Variants in PTPRD observed in about 807,000 individuals in gnomAD.
PTPRD encodes the protein receptor-type tyrosine-protein phosphatase delta.
Under a neutral mutation model 214.5 loss-of-function variants are expected in PTPRD, and 34 were observed. That is an observed-to-expected ratio of 0.16 (90% CI 0.12 to 0.21). The LOEUF is 0.21. PTPRD is among the 10% of genes least tolerant of loss of function. The probability of loss-of-function intolerance (pLI) is 1.00; values close to 1 mark genes in which losing one functional copy is unlikely to be tolerated. For synonymous variants in PTPRD, 1,128 were observed against 845.7 expected, an observed-to-expected ratio of 1.33 and a Z score of -5.79; for missense variants, 2,545 against 2,398.7, an observed-to-expected ratio of 1.06 and a Z score of -1.27.
At chr9:8,849,961 T>C (rs533181589) in intron 11 of PTPRD, among the ~76,000 whole-genome samples, 30 of 151,526 alleles carry the variant, frequency 2.0e-4, no homozygotes, top group Non-Finnish European at 2.4e-4. Context: ...ATAGGAAAGG[T>C]AGAAATGGAA....
chr9:9,762,836 G>T (rs1366454341), intron 6 of PTPRD, among the ~76,000 whole-genome samples: 5 of 152,160 alleles, frequency 3.3e-5, no homozygotes, highest in African/African-American at 1.2e-4. Flanking sequence ...GTCTTAATCA[G>T]CTGGGTTGCC....
intron 7 of PTPRD, among the ~76,000 whole-genome samples, chr9:9,578,385 T>A (rs1056497569): frequency 2.6e-5 from 4 of 152,230 alleles, no homozygotes; most frequent in South Asian, 2.1e-4. Context: ...GAGAAATTCA[T>A]GAAATTGGCA....
chr9:9,210,134 T>A (rs1378503496), intron 9 of PTPRD, among the ~76,000 whole-genome samples: 3 of 152,148 alleles, frequency 2.0e-5, no homozygotes, highest in African/African-American at 4.8e-5. Flanking sequence ...AACAAACAAT[T>A]TCTATCCTCC....
At chr9:9,423,555 A>G (rs1387116712) in intron 8 of PTPRD, among the ~76,000 whole-genome samples, 1 of 152,224 alleles carries the variant, frequency 6.6e-6, no homozygotes, top group East Asian at 1.9e-4. Context: ...TGCCGTGAGA[A>G]TAAGAGACAA....
intron 3 of PTPRD, among the ~76,000 whole-genome samples, chr9:10,110,347 T>C (rs1353576238): frequency 6.6e-6 from 1 of 152,148 alleles, no homozygotes; most frequent in African/African-American, 2.4e-5. Flanking sequence ...AAACTGTGTC[T>C]TAGGTTCGGT....
rs915450596 is a variant in PTPRD at position 8,868,972 on chromosome 9, T to A, written c.-103-135026A>T. 7.5e-4 allele frequency among the ~76,000 whole-genome samples: 114 copies of A among 152,296 alleles called. 1 individual carries two copies. Among genetic ancestry groups the A allele is most frequent in the African/African-American group, 2.5e-3 (102 of 41,580 alleles). On this transcript the variant is annotated intron_variant, in intron 11 of 45. Coordinates refer to ENST00000381196, the MANE Select transcript of PTPRD (RefSeq NM_002839.4). Reference sequence around the variant, plus strand: ...AATACAAACATCCTCTAATGATTTTTATTCTTTGCAGTCCAATTAAAATAG... The same window carrying A: ...AATACAAACATCCTCTAATGATTTTAATTCTTTGCAGTCCAATTAAAATAG...
intron 14 of PTPRD, among the ~76,000 whole-genome samples, chr9:8,595,586 G>A (rs2094435715): frequency 6.6e-6 from 1 of 152,110 alleles, no homozygotes; most frequent in Admixed American, 6.5e-5. Flanking sequence ...GAAAGTTAAT[G>A]GCAACAGTTT....
intron 3 of PTPRD, among the ~76,000 whole-genome samples, chr9:10,124,178 T>C (rs1462387419): frequency 6.6e-6 from 1 of 152,186 alleles, no homozygotes; most frequent in Non-Finnish European, 1.5e-5. Flanking sequence ...ATTTGTTATA[T>C]CATTTGTTAT....
intron 3 of PTPRD, among the ~76,000 whole-genome samples, chr9:10,036,051 T>C (rs1294614702): frequency 6.6e-6 from 1 of 152,138 alleles, no homozygotes; most frequent in Non-Finnish European, 1.5e-5. Flanking sequence ...TAAACTTCAC[T>C]CTTGGATATT....
rs1470492346 is a variant in PTPRD, at chr9:8,521,477, T to C, written c.761A>G (p.Asn254Ser). Residue 254 changes from asparagine to serine, a missense_variant, in exon 20 of 46, where the codon AAT (asparagine) becomes AGT (serine). By Grantham distance (46) the Asn-to-Ser change is conservative. Coordinates refer to ENST00000381196, the MANE Select transcript of PTPRD (RefSeq NM_002839.4). Reference sequence around the variant, plus strand: ...TGACCCCACGGCCACACAGGTGATATTAACGCTTCCGCCTGGCATGATTTC... The same window carrying C: ...TGACCCCACGGCCACACAGGTGATACTAACGCTTCCGCCTGGCATGATTTC... ...NHEIMPGGSV[N>S]ITCVAVGSPM... 1.2e-6 allele frequency: 2 copies of C among 1,614,014 alleles called. No individual in the cohort carries two copies. Among genetic ancestry groups the C allele is most frequent in the Non-Finnish European group, 1.7e-6 (2 of 1,179,940 alleles).
chr9:10,290,549 T>C (rs368780228), intron 3 of PTPRD, among the ~76,000 whole-genome samples: 1 of 152,140 alleles, frequency 6.6e-6, no homozygotes, highest in East Asian at 1.9e-4. Context: ...CAGATTCCAA[T>C]GACATACATT....
intron 11 of PTPRD, among the ~76,000 whole-genome samples, chr9:8,798,645 C>A (rs1480877150): frequency 5.9e-5 from 9 of 152,162 alleles, no homozygotes. Flanking sequence ...GTGTATTAAG[C>A]ATCTACTCTA....
chr9:10,200,246 T>A (rs927625804), intron 3 of PTPRD, among the ~76,000 whole-genome samples: 1 of 152,122 alleles, frequency 6.6e-6, no homozygotes, highest in Non-Finnish European at 1.5e-5. Flanking sequence ...CATCTATTTT[T>A]TAAATCTGTT....
At chr9:10,495,217 G>A (rs2041676962) in intron 2 of PTPRD, among the ~76,000 whole-genome samples, 1 of 151,738 alleles carries the variant, frequency 6.6e-6, no homozygotes, top group Non-Finnish European at 1.5e-5. Context: ...TCAGAAATCA[G>A]TAAGAGTGTG....
chr9:8,656,284 TTTG>T (rs2096907944), intron 12 of PTPRD, among the ~76,000 whole-genome samples: 1 of 152,184 alleles, frequency 6.6e-6, no homozygotes, highest in Non-Finnish European at 1.5e-5. Context: ...TTTTTGTGTA[TTTG>T]TTAAGACTAT....
chr9:8,333,092 T>C (rs1014102181), intron 43 of PTPRD, among the ~76,000 whole-genome samples: 1 of 152,106 alleles, frequency 6.6e-6, no homozygotes, highest in Non-Finnish European at 1.5e-5. Flanking sequence ...TGATGTTATT[T>C]GGGGATGGAG....
rs576239116 is a variant in PTPRD, at chr9:9,257,586, G to A, written c.-202-74223C>T. 2.0e-3 allele frequency among the ~76,000 whole-genome samples: 307 copies of A among 151,978 alleles called. 2 individuals are homozygous for A. The highest frequency in any genetic ancestry group is 6.8e-3 in the African/African-American group (283 of 41,492). Reference sequence around the variant, plus strand: ...GCAGGAGGTTTGCTTGAGTCCAGGGGCTCAAGACCAGACTGGGCAGCATAG... The same window carrying A: ...GCAGGAGGTTTGCTTGAGTCCAGGGACTCAAGACCAGACTGGGCAGCATAG... On this transcript the variant is annotated intron_variant, in intron 9 of 45. Coordinates refer to ENST00000381196, the MANE Select transcript of PTPRD (RefSeq NM_002839.4).
chr9:9,121,494 CAAAG>C (rs2099817592), intron 10 of PTPRD, among the ~76,000 whole-genome samples: 2 of 152,074 alleles, frequency 1.3e-5, no homozygotes, highest in African/African-American at 4.8e-5. Context: ...CTCAGCCATA[CAAAG>C]GAATGAATTA....
At chr9:9,555,348 C>T (rs2081267105) in intron 8 of PTPRD, among the ~76,000 whole-genome samples, 1 of 151,994 alleles carries the variant, frequency 6.6e-6, no homozygotes, top group South Asian at 2.1e-4. Context: ...TGTTGAGCAA[C>T]ATCACACATT....
Sources: gnomAD v4.1 joint callset for allele counts (sites outside exome capture counted in the v4.1 genomes callset) on GRCh38, gnomAD v4.1.1 for gene constraint, MANE v1.5 for transcripts, NCBI Gene and HGNC (gene_info 2026-07-23, HGNC 2026-07-21) for gene names.